The following FHOD3 variants were observed in gnomAD, a reference collection of about 807,000 sequenced individuals.
The protein encoded by FHOD3 is FH1/FH2 domain-containing protein 3.
A neutral mutation model predicts 173.0 loss-of-function variants in FHOD3; 90 were observed. The observed-to-expected ratio is 0.52, with a 90% CI of 0.44 to 0.62. FHOD3 has a LOEUF of 0.62. Among genes scored for constraint, FHOD3 ranks in the 20% least tolerant of loss-of-function variants. The probability of loss-of-function intolerance (pLI) is 0.00; values close to 1 mark genes in which losing one functional copy is unlikely to be tolerated. For synonymous variants in FHOD3, 828 were observed against 823.0 expected, an observed-to-expected ratio of 1.01 and a Z score of -0.10; for missense variants, 1,945 against 2,034.7, an observed-to-expected ratio of 0.96 and a Z score of 0.85.
intron 9 of FHOD3, 61 bp downstream of exon 9, chr18:36,612,156 T>G: frequency 6.4e-7 from 1 of 1,567,070 alleles, no homozygotes; most frequent in East Asian, 2.3e-5. Context: ...AAGGCTGAGA[T>G]GGCGCCTACT....
At chr18:36,368,385 C>G (rs1306364483) in intron 2 of FHOD3, among the ~76,000 whole-genome samples, 1 of 152,142 alleles carries the variant, frequency 6.6e-6, no homozygotes, top group Non-Finnish European at 1.5e-5. Context: ...AGCAGCTTAG[C>G]ATCCTTTTCT....
intron 8 of FHOD3, among the ~76,000 whole-genome samples, chr18:36,603,138 T>C (rs1391601377): frequency 6.6e-6 from 1 of 152,180 alleles, no homozygotes; most frequent in Non-Finnish European, 1.5e-5. Context: ...AGACTTCTAG[T>C]CTTTCAAACT....
intron 6 of FHOD3, among the ~76,000 whole-genome samples, chr18:36,588,157 G>T (rs563986614): frequency 6.6e-6 from 1 of 152,334 alleles, no homozygotes; most frequent in Non-Finnish European, 1.5e-5. Context: ...CAGATAACCT[G>T]TTAGAGGTCG....
chr18:36,578,289 A>G (rs1313590800), intron 6 of FHOD3, among the ~76,000 whole-genome samples: 3 of 152,194 alleles, frequency 2.0e-5, no homozygotes, highest in South Asian at 2.1e-4. Flanking sequence ...GGCACATCTT[A>G]CATGGTGGCA....
chr18:36,355,411 A>G, intron 1 of FHOD3, 128 bp from the exon 2 acceptor site: 1 of 711,176 alleles, frequency 1.4e-6, no homozygotes, highest in Non-Finnish European at 2.4e-6. Flanking sequence ...TAGCTCTTCA[A>G]GTTATGATCC....
At chr18:36,405,148 TAGAA>T (rs1409283163) in intron 3 of FHOD3, among the ~76,000 whole-genome samples, 7 of 152,214 alleles carry the variant, frequency 4.6e-5, no homozygotes, top group African/African-American at 1.7e-4. Flanking sequence ...CCCCGTGAGG[TAGAA>T]AGAGAAATGG....
intron 6 of FHOD3, among the ~76,000 whole-genome samples, chr18:36,582,946 A>G (rs954831817): frequency 6.6e-6 from 1 of 152,132 alleles, no homozygotes; most frequent in Non-Finnish European, 1.5e-5. Flanking sequence ...AGGGCCTTGC[A>G]TTTTTCCCCC....
chr18:36,303,974 G>T (rs766350204), intron 1 of FHOD3, among the ~76,000 whole-genome samples: 1 of 152,098 alleles, frequency 6.6e-6, no homozygotes, highest in African/African-American at 2.4e-5. Flanking sequence ...GCCAATCAGC[G>T]CAATCCAGAT....
intron 2 of FHOD3, among the ~76,000 whole-genome samples, chr18:36,357,403 G>A (rs906361407): frequency 3.3e-5 from 5 of 152,298 alleles, no homozygotes; most frequent in Admixed American, 2.0e-4. Context: ...GGTGAATGGC[G>A]CATTGCCAGA....
At chr18:36,652,045 C>T (rs993396435) in intron 11 of FHOD3, among the ~76,000 whole-genome samples, 1 of 152,218 alleles carries the variant, frequency 6.6e-6, no homozygotes, top group African/African-American at 2.4e-5. Flanking sequence ...CATTTTTTCT[C>T]CTTTTCTCTT....
At chr18:36,542,937 A>C (rs1227997429) in intron 5 of FHOD3, among the ~76,000 whole-genome samples, 1 of 152,246 alleles carries the variant, frequency 6.6e-6, no homozygotes, top group Non-Finnish European at 1.5e-5. Context: ...TATGTGGTCA[A>C]ACATTATTCC....
chr18:36,449,602 T>C (rs1437854048), intron 3 of FHOD3, among the ~76,000 whole-genome samples: 1 of 152,236 alleles, frequency 6.6e-6, no homozygotes, highest in African/African-American at 2.4e-5. Context: ...CTCTAGGAGA[T>C]AACTAAATGC....
Position 36,708,462 on chromosome 18 carries a change from G to T in FHOD3, c.2237-633G>T, listed in dbSNP as rs886941833. On this transcript the variant is annotated intron_variant, in intron 17 of 28. Coordinates refer to ENST00000590592, the MANE Select transcript of FHOD3 (RefSeq NM_001281740.3). The stretch of plus-strand genomic sequence containing the variant: ...TGTAACAAGTTTCCACAGACATAGC[G>T]ATTGGAAACAACACTCGTTTATTAT... Among the ~76,000 whole-genome samples the T allele has an allele frequency of 2.0e-5, 3 of 152,164 alleles. No individual in the cohort carries two copies. In the Middle Eastern group the frequency reaches 9.5e-3, roughly 482 times the overall value.
At chr18:36,479,153 A>C (rs1157722937) in intron 3 of FHOD3, among the ~76,000 whole-genome samples, 2 of 152,210 alleles carry the variant, frequency 1.3e-5, no homozygotes, top group Non-Finnish European at 2.9e-5. Flanking sequence ...AAAGTAGGTA[A>C]CCTCTGTTTT....
At chr18:36,503,221 T>C (rs1172851906) in intron 4 of FHOD3, among the ~76,000 whole-genome samples, 4 of 152,142 alleles carry the variant, frequency 2.6e-5, no homozygotes, top group Non-Finnish European at 5.9e-5. Context: ...GGTCAGGAGA[T>C]GGTTTCATAG....
At chr18:36,420,887 A>G (rs920019271) in intron 3 of FHOD3, among the ~76,000 whole-genome samples, 1 of 152,166 alleles carries the variant, frequency 6.6e-6, no homozygotes, top group African/African-American at 2.4e-5. Context: ...AAATGGAGAC[A>G]TCTCTTGTTA....
chr18:36,388,772 A>G (rs1446114979), intron 3 of FHOD3, among the ~76,000 whole-genome samples: 4 of 152,210 alleles, frequency 2.6e-5, no homozygotes, highest in African/African-American at 9.6e-5. Flanking sequence ...GACCACCACC[A>G]CCAACAATGA....
In FHOD3 at chr18:36,500,244, A is replaced by G. The variant is rs540716968; in HGVS notation, c.338-1688A>G. Among the ~76,000 whole-genome samples, 9 of 152,348 alleles carry G rather than the reference A, an allele frequency of 5.9e-5. No individual in the cohort carries two copies. The South Asian group carries it at 1.9e-3, about 32-fold the overall frequency. ...GCCCTCTGTTCTTTGCCGGAAGGCAATATGTCTGGTAGGGAGACCTTTGAA... is the reference window on the plus strand; with the variant it reads ...GCCCTCTGTTCTTTGCCGGAAGGCAGTATGTCTGGTAGGGAGACCTTTGAA... On this transcript the variant is annotated intron_variant, in intron 3 of 28. Coordinates refer to ENST00000590592, the MANE Select transcript of FHOD3 (RefSeq NM_001281740.3).
chr18:36,600,676 G>T (rs1183803495), intron 7 of FHOD3, among the ~76,000 whole-genome samples: 1 of 152,216 alleles, frequency 6.6e-6, no homozygotes, highest in African/African-American at 2.4e-5. Context: ...ATGCACACAT[G>T]TGCATGTGTC....
Sources: allele counts gnomAD v4.1 joint callset (sites outside exome capture counted in the v4.1 genomes callset), GRCh38; gene constraint gnomAD v4.1.1; transcripts MANE v1.5; gene names NCBI Gene and HGNC (gene_info 2026-07-23, HGNC 2026-07-21).